Variants in HS3ST4 observed in about 807,000 individuals in gnomAD.
The protein encoded by HS3ST4 is heparan sulfate glucosamine 3-O-sulfotransferase 4.
A neutral mutation model predicts 29.2 loss-of-function variants in HS3ST4; 17 were observed. That is an observed-to-expected ratio of 0.58 (90% confidence interval 0.40 to 0.87). The LOEUF (loss-of-function observed/expected upper bound fraction) is 0.87, where lower values mean the gene tolerates loss of function less well. Among genes scored for constraint, HS3ST4 ranks in the 40% least tolerant of loss-of-function variants. HS3ST4 has a pLI of 0.00. For missense variants in HS3ST4, 627 were observed against 634.5 expected (o/e 0.99, Z 0.13); for synonymous variants, 314 against 285.7 (o/e 1.10, Z -1.00).
intron 1 of HS3ST4, among the ~76,000 whole-genome samples, chr16:25,951,190 A>C (rs933467144): frequency 6.6e-6 from 1 of 152,216 alleles, no homozygotes; most frequent in African/African-American, 2.4e-5. Context: ...AGTCAGCAGC[A>C]GGCATTCCTA....
intron 1 of HS3ST4, among the ~76,000 whole-genome samples, chr16:25,983,678 T>C: frequency 6.6e-6 from 1 of 152,248 alleles, no homozygotes; most frequent in South Asian, 2.1e-4. Context: ...TGGTAGATTC[T>C]AAGCCATACA....
chr16:26,081,716 G>A (rs1399427433), intron 1 of HS3ST4, among the ~76,000 whole-genome samples: 2 of 151,778 alleles, frequency 1.3e-5, no homozygotes, highest in African/African-American at 2.4e-5. Context: ...AGACCTGGAG[G>A]CCAGGAAGAG....
At chr16:26,045,703 A>G (rs1898257148) in intron 1 of HS3ST4, among the ~76,000 whole-genome samples, 1 of 152,144 alleles carries the variant, frequency 6.6e-6, no homozygotes, top group Non-Finnish European at 1.5e-5. Flanking sequence ...TCTTTAGAAC[A>G]ACTATTGTTC....
intron 1 of HS3ST4, among the ~76,000 whole-genome samples, chr16:25,841,806 A>C (rs4467081): frequency 6.6e-6 from 1 of 151,948 alleles, no homozygotes; most frequent in Non-Finnish European, 1.5e-5. Context: ...CTATTGCTTC[A>C]ATATGTTTTC....
intron 1 of HS3ST4, among the ~76,000 whole-genome samples, chr16:25,698,330 G>C (rs1966313132): frequency 2.0e-5 from 3 of 152,148 alleles, no homozygotes. Flanking sequence ...GAAGATCTGG[G>C]TGGAGAGGTC....
At chr16:25,759,601 A>C (rs1251997353) in intron 1 of HS3ST4, among the ~76,000 whole-genome samples, 1 of 152,160 alleles carries the variant, frequency 6.6e-6, no homozygotes, top group Non-Finnish European at 1.5e-5. Flanking sequence ...GTTCCGTGTT[A>C]GAAGAGAGGA....
In HS3ST4 at chr16:26,029,476, A is replaced by G. The variant is rs531590388; in HGVS notation, c.735-106136A>G. ...CGCCCAGGCTGGAGTGCAATGGCAC[A>G]ATCTAGGCTCACTGCAACCTCCGAT... is the stretch of plus-strand genomic sequence containing the variant. On this transcript the variant is annotated intron_variant, in intron 1 of 1. Transcript: ENST00000331351. 2.4e-4 allele frequency among the ~76,000 whole-genome samples: 36 copies of G among 151,892 alleles called. No individual in the cohort carries two copies. In the East Asian group the frequency reaches 4.5e-3, roughly 19 times the overall value.
intron 1 of HS3ST4, among the ~76,000 whole-genome samples, chr16:25,714,042 G>C (rs1966435168): frequency 6.6e-6 from 1 of 151,886 alleles, no homozygotes; most frequent in Non-Finnish European, 1.5e-5. Context: ...CTGGGGCTTA[G>C]AGTCTCCTCG....
chr16:26,079,839 G>A (rs914831838), intron 1 of HS3ST4, among the ~76,000 whole-genome samples: 15 of 152,112 alleles, frequency 9.9e-5, no homozygotes, highest in African/African-American at 2.7e-4. Flanking sequence ...GCACGGGAGC[G>A]GACTTAATGG....
chr16:26,101,370 G>A (rs1384916000), intron 1 of HS3ST4, among the ~76,000 whole-genome samples: 1 of 152,192 alleles, frequency 6.6e-6, no homozygotes, highest in East Asian at 1.9e-4. Context: ...CTAAAGGCTA[G>A]AGCTTCCCAG....
chr16:26,103,829 A>C (rs751079116), intron 1 of HS3ST4, among the ~76,000 whole-genome samples: 1 of 152,204 alleles, frequency 6.6e-6, no homozygotes, highest in Admixed American at 6.5e-5. Context: ...GGTTTTTATC[A>C]ATGTCACTAA....
At chr16:25,804,233 A>T (rs180749097) in intron 1 of HS3ST4, among the ~76,000 whole-genome samples, 5 of 152,308 alleles carry the variant, frequency 3.3e-5, no homozygotes, top group African/African-American at 1.2e-4. Context: ...TAGGAGCATT[A>T]TCAACATATC....
intron 1 of HS3ST4, among the ~76,000 whole-genome samples, chr16:25,937,285 A>T (rs1341453314): frequency 1.3e-5 from 2 of 152,188 alleles, no homozygotes; most frequent in African/African-American, 4.8e-5. Context: ...AGAAATGAAG[A>T]AAGGGACATT....
intron 1 of HS3ST4, among the ~76,000 whole-genome samples, chr16:26,033,249 G>A (rs1969549294): frequency 6.6e-6 from 1 of 151,798 alleles, no homozygotes; most frequent in Non-Finnish European, 1.5e-5. Context: ...GGCATGGTGG[G>A]TCACGCCTGT....
intron 1 of HS3ST4, among the ~76,000 whole-genome samples, chr16:25,917,366 C>A (rs143032995): frequency 6.6e-6 from 1 of 152,270 alleles, no homozygotes; most frequent in Admixed American, 6.5e-5. Context: ...GCGCATGCCA[C>A]CATGCCTGGC....
intron 1 of HS3ST4, among the ~76,000 whole-genome samples, chr16:25,909,313 C>T (rs1443064253): frequency 6.6e-6 from 1 of 152,056 alleles, no homozygotes; most frequent in Non-Finnish European, 1.5e-5. Context: ...CTCAGCCTCC[C>T]GAGTAGCTGG....
chr16:25,963,294 A>G (rs916958439), intron 1 of HS3ST4, among the ~76,000 whole-genome samples: 2 of 152,068 alleles, frequency 1.3e-5, no homozygotes, highest in African/African-American at 2.4e-5. Context: ...CTAGTTCGTC[A>G]TGTTCCTGAT....
At chr16:25,795,391 C>T (rs1596573302) in intron 1 of HS3ST4, among the ~76,000 whole-genome samples, 1 of 152,272 alleles carries the variant, frequency 6.6e-6, no homozygotes, top group East Asian at 1.9e-4. Context: ...GCTTAACTTA[C>T]ATACTGAATT....
intron 1 of HS3ST4, among the ~76,000 whole-genome samples, chr16:26,114,731 A>G (rs1899178788): frequency 6.6e-6 from 1 of 152,164 alleles, no homozygotes; most frequent in South Asian, 2.1e-4. Context: ...AAGTACCATT[A>G]AAGGCTGGTG....
Sources: gnomAD v4.1 joint callset for allele counts (sites outside exome capture counted in the v4.1 genomes callset) on GRCh38, gnomAD v4.1.1 for gene constraint, MANE v1.5 for transcripts, NCBI Gene and HGNC (gene_info 2026-07-23, HGNC 2026-07-21) for gene names.